Variants in PTPRN2 observed in about 807,000 individuals in gnomAD.
The protein encoded by PTPRN2 is protein tyrosine phosphatase receptor type N2, also known as receptor-type tyrosine-protein phosphatase N2.
Under a neutral mutation model 118.8 loss-of-function variants are expected in PTPRN2, and 74 were observed. The observed-to-expected ratio is 0.62, with a 90% confidence interval of 0.52 to 0.76. The LOEUF (loss-of-function observed/expected upper bound fraction) is 0.76, where lower values mean the gene tolerates loss of function less well. PTPRN2 is among the 30% of genes least tolerant of loss of function. The pLI, the probability that PTPRN2 is intolerant of heterozygous loss-of-function variation, is 0.00. For missense variants in PTPRN2, 1,481 were observed against 1,394.4 expected (o/e 1.06, Z -0.99); for synonymous variants, 641 against 608.0 (o/e 1.05, Z -0.80).
intron 2 of PTPRN2, among the ~76,000 whole-genome samples, chr7:158,337,782 C>G (rs1169822371): frequency 4.8e-4 from 14 of 28,876 alleles, no homozygotes; most frequent in Admixed American, 7.0e-4. Context: ...GTCACTCACA[C>G]CCACACTCTC....
At chr7:157,802,202 G>A (rs776804384) in intron 12 of PTPRN2, among the ~76,000 whole-genome samples, 3 of 152,214 alleles carry the variant, frequency 2.0e-5, no homozygotes, top group Admixed American at 1.3e-4. Context: ...AGGCCGCGTC[G>A]CTGAAACCTT....
chr7:158,074,518 T>C (rs1390408770), intron 11 of PTPRN2, among the ~76,000 whole-genome samples: 1 of 152,228 alleles, frequency 6.6e-6, no homozygotes, highest in Non-Finnish European at 1.5e-5. Context: ...GTGGCATTTC[T>C]ATGGGTGTTT....
intron 12 of PTPRN2, among the ~76,000 whole-genome samples, chr7:157,882,855 C>G (rs566612337): frequency 6.9e-6 from 1 of 145,158 alleles, no homozygotes; most frequent in Non-Finnish European, 1.5e-5. Context: ...ATGCCACCCC[C>G]AAAATGGCTG....
intron 9 of PTPRN2, among the ~76,000 whole-genome samples, chr7:158,130,500 C>A (rs1818098815): frequency 2.0e-5 from 3 of 150,042 alleles, no homozygotes. Flanking sequence ...CAAACTTCTA[C>A]CCAACACACA....
intron 6 of PTPRN2, among the ~76,000 whole-genome samples, chr7:158,141,497 T>C (rs1201463926): frequency 6.6e-6 from 1 of 152,234 alleles, no homozygotes; most frequent in Non-Finnish European, 1.5e-5. Flanking sequence ...CGCATGACTT[T>C]CCAAACACAA....
At chr7:157,880,553 C>G (rs747613676) in intron 12 of PTPRN2, among the ~76,000 whole-genome samples, 3 of 152,280 alleles carry the variant, frequency 2.0e-5, no homozygotes, top group African/African-American at 7.2e-5. Context: ...CCAAGGGACC[C>G]GGCCCATAGG....
intron 2 of PTPRN2, among the ~76,000 whole-genome samples, chr7:158,366,977 G>A (rs564491749): frequency 5.3e-5 from 8 of 152,272 alleles, no homozygotes; most frequent in South Asian, 2.1e-4. Context: ...TGCCGCTCCC[G>A]TGCACCCAGG....
chr7:157,746,008 A>C (rs1348302497), intron 12 of PTPRN2, among the ~76,000 whole-genome samples: 1 of 142,270 alleles, frequency 7.0e-6, no homozygotes, highest in Non-Finnish European at 1.5e-5. Flanking sequence ...TGTGGAGATC[A>C]CAGGACTCCC....
At chr7:158,518,766 C>G (rs1775609956) in intron 1 of PTPRN2, among the ~76,000 whole-genome samples, 1 of 152,160 alleles carries the variant, frequency 6.6e-6, no homozygotes, top group Non-Finnish European at 1.5e-5. Flanking sequence ...AGGTGAATTG[C>G]TTGAGCTCAG....
intron 12 of PTPRN2, among the ~76,000 whole-genome samples, chr7:157,708,539 C>T (rs768668894): frequency 6.6e-6 from 1 of 151,852 alleles, no homozygotes; most frequent in African/African-American, 2.4e-5. Context: ...ACGGAGGGGC[C>T]GTCCCAGGGC....
At chr7:157,782,284 A>T (rs1020952363) in intron 12 of PTPRN2, among the ~76,000 whole-genome samples, 2 of 152,216 alleles carry the variant, frequency 1.3e-5, no homozygotes, top group African/African-American at 4.8e-5. Flanking sequence ...GCTCCAGTCA[A>T]CCACGCTAAG....
At chr7:158,121,194 C>A (rs533424315) in intron 9 of PTPRN2, among the ~76,000 whole-genome samples, 1 of 152,042 alleles carries the variant, frequency 6.6e-6, no homozygotes, top group Non-Finnish European at 1.5e-5. Context: ...CCCCCTGCAC[C>A]CCAGCCTCCC....
At chr7:158,151,500 C>CACACCACCT (rs1821133561) in intron 6 of PTPRN2, among the ~76,000 whole-genome samples, 1 of 151,772 alleles carries the variant, frequency 6.6e-6, no homozygotes, top group African/African-American at 2.4e-5. Context: ...CCACACCGCC[C>CACACCACCT]GCCTTTCTGC....
chr7:158,463,771 T>C (rs1481110908), intron 2 of PTPRN2, among the ~76,000 whole-genome samples: 1 of 151,266 alleles, frequency 6.6e-6, no homozygotes, highest in Non-Finnish European at 1.5e-5. Context: ...GTCATCATCC[T>C]TACCATCGCC....
rs115746800 is a variant in PTPRN2 at position 157,544,268 on chromosome 7, G to A, written c.2977-3483C>T. Among the ~76,000 whole-genome samples, 384 of 152,334 alleles carry A rather than the reference G, an allele frequency of 2.5e-3. 4 individuals are homozygous for A. The highest frequency in any genetic ancestry group is 8.8e-3 in the African/African-American group (366 of 41,574). On this transcript the variant is annotated intron_variant, in intron 22 of 22. Coordinates refer to ENST00000389418, the MANE Select transcript of PTPRN2 (RefSeq NM_002847.5). ...TGGGCTGCGGGCCTGGAGCTGATGT[G>A]TGAGCGTGGACTGCGCTACGCGTGA...
intron 2 of PTPRN2, among the ~76,000 whole-genome samples, chr7:158,346,391 T>C (rs1205669967): frequency 6.6e-6 from 1 of 152,224 alleles, no homozygotes; most frequent in Non-Finnish European, 1.5e-5. Flanking sequence ...GCGGTATTTG[T>C]CTTTCTGTGC....
At chr7:157,887,243 T>C (rs1584953270) in intron 12 of PTPRN2, among the ~76,000 whole-genome samples, 1 of 152,104 alleles carries the variant, frequency 6.6e-6, no homozygotes, top group South Asian at 2.1e-4. Context: ...TGCAATTTCA[T>C]GCAGATTTCC....
chr7:157,643,921 C>T (rs749080137), intron 14 of PTPRN2, among the ~76,000 whole-genome samples: 3 of 152,192 alleles, frequency 2.0e-5, no homozygotes, highest in East Asian at 3.9e-4. Flanking sequence ...TCATAGTGCT[C>T]GCCGCACGCT....
intron 2 of PTPRN2, among the ~76,000 whole-genome samples, chr7:158,441,102 G>T (rs1302227344): frequency 6.7e-6 from 1 of 149,982 alleles, no homozygotes; most frequent in Non-Finnish European, 1.5e-5. Context: ...GATAGGGGTG[G>T]TAGTGATGGT....
Sources: allele counts gnomAD v4.1 joint callset (sites outside exome capture counted in the v4.1 genomes callset), GRCh38; gene constraint gnomAD v4.1.1; transcripts MANE v1.5; gene names NCBI Gene and HGNC (gene_info 2026-07-23, HGNC 2026-07-21).